CRMP1: variants seen among roughly 807,000 people sequenced by gnomAD.
The protein encoded by CRMP1 is collapsin response mediator protein 1, also known as dihydropyrimidinase-related protein 1.
In CRMP1, 19 loss-of-function variants were observed where a neutral mutation model predicts 68.3. That is an observed-to-expected ratio of 0.28 (90% CI 0.19 to 0.41). The LOEUF is 0.41. CRMP1 is among the 10% of genes least tolerant of loss of function. The pLI, the probability that CRMP1 is intolerant of heterozygous loss-of-function variation, is 1.00. For missense variants in CRMP1, 791 were observed against 967.4 expected (o/e 0.82, Z 2.42); for synonymous variants, 439 against 399.6 (o/e 1.10, Z -1.18).
In CRMP1 at chr4:5,879,774, TA is replaced by T. The variant is rs1715107718; in HGVS notation, c.381+12814del. Among the ~76,000 whole-genome samples the T allele has an allele frequency of 6.6e-6, 1 of 152,160 alleles. No homozygotes were observed. The highest frequency in any genetic ancestry group is 2.4e-5 in the African/African-American group (1 of 41,428). On this transcript the variant is annotated intron_variant, in intron 1 of 13. Coordinates refer to ENST00000324989, the MANE Select transcript of CRMP1 (RefSeq NM_001014809.3). The surrounding 1 kb of genome is among the most constrained non-coding windows in gnomAD (Gnocchi z 4.2). ...GGAGTTGATGGCCTTAGGAAGCCTTTAAACTCGTTTAAGAGGTTCCCAGTAA... is the reference window on the plus strand; with the variant it reads ...GGAGTTGATGGCCTTAGGAAGCCTTTAACTCGTTTAAGAGGTTCCCAGTAA...
chr4:5,887,777 T>A, intron 1 of CRMP1: 1 of 987,398 alleles, frequency 1.0e-6, no homozygotes, highest in Non-Finnish European at 1.2e-6. Context: ...TCTTTTTCCC[T>A]CCTCCAGCGG....
chr4:5,867,886 T>C (rs974575101), intron 1 of CRMP1, among the ~76,000 whole-genome samples: 2 of 151,920 alleles, frequency 1.3e-5, no homozygotes. Flanking sequence ...GGATGTGTCA[T>C]TAGAGGAAGG....
At chr4:5,868,279 A>ATCTATC (rs1222628235) in intron 1 of CRMP1, among the ~76,000 whole-genome samples, 3 of 86,874 alleles carry the variant, frequency 3.5e-5, no homozygotes, top group African/African-American at 1.7e-4. Flanking sequence ...ATATATATAT[A>ATCTATC]TATATATATA....
intron 1 of CRMP1, among the ~76,000 whole-genome samples, chr4:5,869,769 C>T (rs988715313): frequency 6.6e-6 from 1 of 151,668 alleles, no homozygotes; most frequent in Non-Finnish European, 1.5e-5. Context: ...CAGAGCCTAA[C>T]TCAAGAACCT....
chr4:5,831,477 G>GTGTT (rs770751226), intron 11 of CRMP1, among the ~76,000 whole-genome samples: 4 of 152,156 alleles, frequency 2.6e-5, no homozygotes, highest in Non-Finnish European at 4.4e-5. Flanking sequence ...TGCGTTTCCA[G>GTGTT]TGTTAGCATT....
Position 5,872,026 on chromosome 4 carries a change from G to A in CRMP1, c.382-5270C>T, listed in dbSNP as rs1577830970. Among the ~76,000 whole-genome samples, 1 of 152,226 alleles carries A rather than the reference G, an allele frequency of 6.6e-6. No individual in the cohort carries two copies. The highest frequency in any genetic ancestry group is 1.5e-5 in the Non-Finnish European group (1 of 68,016). ...GTAAGGATGCAGGCTAGAGCCAAGG[G>A]TTCCTAATGGCCTGTCCAGCATTCC... On this transcript the variant is annotated intron_variant, in intron 1 of 13. Transcript: ENST00000324989. The surrounding 1 kb of genome is among the most constrained non-coding windows in gnomAD (Gnocchi z 4.6).
At position 5,821,137 on chromosome 4, in the gene CRMP1, G is replaced by C. The variant is rs1269310751; in HGVS notation, c.*623C>G. ...ACCAGGGTTTCTGACACAGGATGTG[G>C]AGGATGCTTCTCTGCAACCTAGTGC... On this transcript the variant is annotated 3_prime_UTR_variant, in exon 14 of 14. Transcript: ENST00000324989. This position sits in a 1 kb window ranked among gnomAD's most constrained non-coding sequence, Gnocchi z 4.4. 6.6e-6 allele frequency: 1 copy of C among 152,606 alleles called. No homozygotes were observed. The highest frequency in any genetic ancestry group is 1.5e-5 in the Non-Finnish European group (1 of 68,302). 9.5% of individuals were successfully genotyped at this position (152,606 alleles called of 1,614,324 possible). A position where few individuals can be genotyped will look rare whatever the true frequency, so the allele number is the denominator to read the frequency against.
At chr4:5,886,246 G>C (rs749307956) in intron 1 of CRMP1, among the ~76,000 whole-genome samples, 3 of 152,180 alleles carry the variant, frequency 2.0e-5, no homozygotes, top group Admixed American at 6.5e-5. Flanking sequence ...GAGGCTGCTG[G>C]AACCACCCAT....
chr4:5,862,909 G>A (rs1283102900), intron 2 of CRMP1, among the ~76,000 whole-genome samples: 2 of 152,118 alleles, frequency 1.3e-5, no homozygotes, highest in East Asian at 1.9e-4. Flanking sequence ...GGGCTCAAGC[G>A]ATCCTCCCGC....
intron 8 of CRMP1, among the ~76,000 whole-genome samples, chr4:5,840,471 G>A (rs1167222646): frequency 6.6e-6 from 1 of 152,206 alleles, no homozygotes; most frequent in East Asian, 1.9e-4. Flanking sequence ...CAGTAGGAGA[G>A]GCAGCTGCAA....
intron 2 of CRMP1, among the ~76,000 whole-genome samples, chr4:5,863,252 T>C (rs1259912760): frequency 6.6e-6 from 1 of 151,982 alleles, no homozygotes; most frequent in Non-Finnish European, 1.5e-5. Context: ...TCATAGCCTC[T>C]TAACAAACTC....
rs1386989342 is a variant in CRMP1, at chr4:5,860,116, C to T, written c.655+910G>A. ...GTCTCACTGCCCGCAGTGTTTCCTT[C>T]CCTCCCCAACCTCACCAGGGCTCTC... On this transcript the variant is annotated intron_variant, in intron 3 of 13. Transcript: ENST00000324989. The surrounding 1 kb of genome is among the most constrained non-coding windows in gnomAD (Gnocchi z 4.2). Among the ~76,000 whole-genome samples, 2 of 152,082 alleles carry T rather than the reference C, an allele frequency of 1.3e-5. No individual in the cohort carries two copies. The highest frequency in any genetic ancestry group is 1.9e-4 in the East Asian group (1 of 5,160).
chr4:5,830,952 ATTTTTG>A (rs1357165572), intron 11 of CRMP1, among the ~76,000 whole-genome samples: 1 of 151,866 alleles, frequency 6.6e-6, no homozygotes, highest in Non-Finnish European at 1.5e-5. Context: ...TTAGTTTTTT[ATTTTTG>A]TTTGTTTGTT....
chr4:5,846,981 C>A (rs374491510), intron 6 of CRMP1, among the ~76,000 whole-genome samples: 4 of 151,986 alleles, frequency 2.6e-5, no homozygotes, highest in African/African-American at 9.7e-5. Context: ...CATGTACTAC[C>A]TTTCACGAAA....
At chr4:5,827,742 C>G (rs1183416040) in intron 12 of CRMP1, among the ~76,000 whole-genome samples, 1 of 147,602 alleles carries the variant, frequency 6.8e-6, no homozygotes, top group African/African-American at 2.6e-5. Flanking sequence ...TGCACACACA[C>G]ACACACACAC....
At chr4:5,827,118 C>T (rs879659461) in intron 12 of CRMP1, among the ~76,000 whole-genome samples, 1 of 152,190 alleles carries the variant, frequency 6.6e-6, no homozygotes, top group Non-Finnish European at 1.5e-5. Flanking sequence ...GCAATGGGAC[C>T]CCCCGATCCT....
At position 5,888,272 on chromosome 4, in the gene CRMP1, C is replaced by G; in HGVS notation, c.381+4317G>C. 1 of 1,273,660 alleles carries G rather than the reference C, an allele frequency of 7.9e-7. No individual in the cohort carries two copies. 78.9% of individuals were successfully genotyped at this position (1,273,660 alleles called of 1,614,324 possible). A position where few individuals can be genotyped will look rare whatever the true frequency, so the allele number is the denominator to read the frequency against. On this transcript the variant is annotated intron_variant, in intron 1 of 13. Coordinates refer to ENST00000324989, the MANE Select transcript of CRMP1 (RefSeq NM_001014809.3). The surrounding 1 kb of genome is among the most constrained non-coding windows in gnomAD (Gnocchi z 6.4). ...TTCTTGCCCTGGTACGACATGGCCCCCTCTGGCGCCCTCGGCCCGGCCGCT... is the reference window on the plus strand; with the variant it reads ...TTCTTGCCCTGGTACGACATGGCCCGCTCTGGCGCCCTCGGCCCGGCCGCT...
chr4:5,842,292 C>T lies in CRMP1; in HGVS notation c.1032+801G>A, dbSNP rs1711798186. On this transcript the variant is annotated intron_variant, in intron 7 of 13. Coordinates refer to ENST00000324989, the MANE Select transcript of CRMP1 (RefSeq NM_001014809.3). This position sits in a 1 kb window ranked among gnomAD's most constrained non-coding sequence, Gnocchi z 4.5. ...CACAAATTAGCCAGGCGTGGTGGCA[C>T]AGGCCTGTGCCTAGTGCTCCTAGCT... 1.3e-5 allele frequency among the ~76,000 whole-genome samples: 2 copies of T among 151,304 alleles called. No individual in the cohort carries two copies. The highest frequency in any genetic ancestry group is 4.9e-5 in the African/African-American group (2 of 41,162).
intron 13 of CRMP1, chr4:5,824,923 C>T: frequency 1.0e-6 from 1 of 985,436 alleles, no homozygotes. Context: ...AGGTCAACAT[C>T]TAATTTTGTT....
Sources: allele counts gnomAD v4.1 joint callset (sites outside exome capture counted in the v4.1 genomes callset), GRCh38; gene constraint gnomAD v4.1.1; non-coding constraint Gnocchi (gnomAD v3.1); transcripts MANE v1.5; gene names NCBI Gene and HGNC (gene_info 2026-07-23, HGNC 2026-07-21).